The following SULF2 variants were observed in gnomAD, a reference collection of about 807,000 sequenced individuals.
SULF2 encodes the protein extracellular sulfatase Sulf-2.
Under a neutral mutation model 107.7 loss-of-function variants are expected in SULF2, and 52 were observed. The ratio of observed to expected loss-of-function variants is 0.48; its 90% CI spans 0.39 to 0.61. SULF2 has a LOEUF of 0.61. Ranked by LOEUF, SULF2 falls within the 20% of genes least tolerant of loss-of-function variation. The probability of loss-of-function intolerance (pLI) is 0.00; values close to 1 mark genes in which losing one functional copy is unlikely to be tolerated. For synonymous variants in SULF2, 460 were observed against 464.3 expected (o/e 0.99, Z 0.12); for missense variants, 993 against 1,177.3 (o/e 0.84, Z 2.29).
chr20:47,763,693 CCTT>C (rs1357235057), intron 1 of SULF2, among the ~76,000 whole-genome samples: 1 of 152,244 alleles, frequency 6.6e-6, no homozygotes, highest in African/African-American at 2.4e-5. Flanking sequence ...TCTCTCTCTT[CCTT>C]CTTTCACTTT....
chr20:47,782,926 T>A (rs1461183340), intron 1 of SULF2, among the ~76,000 whole-genome samples: 1 of 152,204 alleles, frequency 6.6e-6, no homozygotes, highest in African/African-American at 2.4e-5. Flanking sequence ...CTTCTACATC[T>A]GGGACAAAGG....
chr20:47,668,551 A>G (rs1034044362), intron 11 of SULF2, among the ~76,000 whole-genome samples: 7 of 152,232 alleles, frequency 4.6e-5, no homozygotes, highest in Non-Finnish European at 7.3e-5. Flanking sequence ...TGACTCTGCA[A>G]TCAGATGGCT....
intron 3 of SULF2, among the ~76,000 whole-genome samples, chr20:47,704,910 A>G (rs1234387641): frequency 6.6e-6 from 1 of 152,090 alleles, no homozygotes; most frequent in Non-Finnish European, 1.5e-5. Context: ...CCCCTAGAGG[A>G]GAGGACAACC....
intron 4 of SULF2, among the ~76,000 whole-genome samples, chr20:47,696,573 A>G (rs2088386324): frequency 1.3e-5 from 2 of 152,232 alleles, no homozygotes; most frequent in Non-Finnish European, 2.9e-5. Flanking sequence ...AACAAAACAA[A>G]TGAGCATTCC....
At chr20:47,688,460 G>A (rs1332015979) in intron 5 of SULF2, among the ~76,000 whole-genome samples, 1 of 152,170 alleles carries the variant, frequency 6.6e-6, no homozygotes, top group Admixed American at 6.5e-5. Flanking sequence ...ATGAAATTCC[G>A]GCACCGCTCG....
At chr20:47,742,748 A>G (rs752728439) in intron 2 of SULF2, among the ~76,000 whole-genome samples, 4 of 152,112 alleles carry the variant, frequency 2.6e-5, no homozygotes, top group Non-Finnish European at 5.9e-5. Context: ...TTTTGGATGC[A>G]CCATCCAGTA....
Position 47,672,353 on chromosome 20 carries a change from A to G in SULF2, c.1421T>C (p.Leu474Pro), listed in dbSNP as rs761166005. ...CCGCATGGGGCCCTTGCACTTATGC[A>G]GCTTCAGCTTCCCCGTGGCGTCCTC... is the stretch of plus-strand genomic sequence containing the variant. Reference protein sequence around the residue: ...CVEDATGKLKLHKCKGPMRLG... With the variant: ...CVEDATGKLKPHKCKGPMRLG... Residue 474 changes from leucine to proline, a missense_variant, in exon 11 of 21, where the codon CTG becomes CCG. By Grantham distance (98) the Leu-to-Pro change is moderately conservative (BLOSUM62 -3). Around this residue, in one of 3 missense-constraint regions of SULF2, gnomAD observed 497 missense variants for 544.1 expected, o/e 0.91. Transcript: ENST00000688720. 13 of 1,612,770 alleles carry G rather than the reference A, an allele frequency of 8.1e-6. No individual in the cohort carries two copies. In the South Asian group the frequency reaches 1.3e-4, roughly 16 times the overall value.
chr20:47,768,696 T>C (rs1441767127), intron 1 of SULF2, among the ~76,000 whole-genome samples: 1 of 152,174 alleles, frequency 6.6e-6, no homozygotes, highest in Non-Finnish European at 1.5e-5. Flanking sequence ...GGTGTGGGAA[T>C]CACAAATTCT....
rs1487585874 is a variant in SULF2 at position 47,672,464 on chromosome 20, C to G, written c.1381-71G>C. 4 of 1,491,142 alleles carry G rather than the reference C, an allele frequency of 2.7e-6. No individual in the cohort carries two copies. The East Asian group carries it at 9.9e-5, about 37-fold the overall frequency. The allele number at this position is 1,491,142 out of a possible 1,614,324, so 92.4% of individuals were successfully genotyped here. Reference sequence around the variant, plus strand: ...TAAACCCGCCTCTCCCCTGCCACCCCCATCCACCCTGGAGACATCCCTCTC... The same window carrying G: ...TAAACCCGCCTCTCCCCTGCCACCCGCATCCACCCTGGAGACATCCCTCTC... On this transcript the variant is annotated intron_variant, in intron 10 of 20. Transcript: ENST00000688720.
chr20:47,663,037 C>T, intron 17 of SULF2, 33 bp downstream of exon 17: 1 of 1,613,542 alleles, frequency 6.2e-7, no homozygotes. Context: ...GTGTACCCCA[C>T]ACCCCCATCC....
chr20:47,703,611 G>A (rs1216777004), intron 3 of SULF2, among the ~76,000 whole-genome samples: 7 of 152,206 alleles, frequency 4.6e-5, no homozygotes, highest in Non-Finnish European at 8.8e-5. Context: ...GGCTGTGTCT[G>A]CTAAATTTGA....
chr20:47,702,023 T>G (rs1044116397), intron 4 of SULF2, among the ~76,000 whole-genome samples: 4 of 152,222 alleles, frequency 2.6e-5, no homozygotes, highest in Non-Finnish European at 5.9e-5. Context: ...ACCAAACTCT[T>G]GGAAACAGAC....
At chr20:47,671,876 G>T (rs1352025098) in intron 11 of SULF2, among the ~76,000 whole-genome samples, 1 of 151,524 alleles carries the variant, frequency 6.6e-6, no homozygotes, top group African/African-American at 2.4e-5. Flanking sequence ...CACCACATCT[G>T]GCTAATTGTT....
intron 4 of SULF2, among the ~76,000 whole-genome samples, chr20:47,697,108 A>C (rs547271822): frequency 1.8e-4 from 27 of 152,198 alleles, no homozygotes; most frequent in Non-Finnish European, 3.8e-4. Context: ...CCCAACACCC[A>C]GGCCCACTTT....
intron 1 of SULF2, among the ~76,000 whole-genome samples, chr20:47,769,744 C>T (rs995495282): frequency 5.9e-5 from 9 of 152,262 alleles, no homozygotes; most frequent in East Asian, 1.9e-4. Flanking sequence ...TATGAGGCAA[C>T]GTGTCCCAAG....
intron 11 of SULF2, among the ~76,000 whole-genome samples, chr20:47,670,936 C>G (rs2087448895): frequency 6.6e-6 from 1 of 152,030 alleles, no homozygotes; most frequent in Non-Finnish European, 1.5e-5. Flanking sequence ...TGTCCTTAGG[C>G]CAGAGAAATG....
chr20:47,718,287 T>C (rs1338798160), intron 3 of SULF2, among the ~76,000 whole-genome samples: 1 of 152,182 alleles, frequency 6.6e-6, no homozygotes, highest in Non-Finnish European at 1.5e-5. Flanking sequence ...CTGGGAAAGA[T>C]TCAATGAGAA....
intron 1 of SULF2, among the ~76,000 whole-genome samples, chr20:47,764,351 AT>A (rs1288296003): frequency 6.6e-6 from 1 of 151,776 alleles, no homozygotes; most frequent in Admixed American, 6.6e-5. Flanking sequence ...CATAGCAGGC[AT>A]TCAAAATATT....
intron 1 of SULF2, among the ~76,000 whole-genome samples, chr20:47,772,427 A>G (rs2090648128): frequency 6.6e-6 from 1 of 150,900 alleles, no homozygotes; most frequent in Non-Finnish European, 1.5e-5. Flanking sequence ...CCATACTTAG[A>G]TGGCAACAGT....
Sources: allele counts gnomAD v4.1 joint callset (sites outside exome capture counted in the v4.1 genomes callset), GRCh38; gene constraint gnomAD v4.1.1; regional missense constraint gnomAD v4.1.1; transcripts MANE v1.5; gene names NCBI Gene and HGNC (gene_info 2026-07-23, HGNC 2026-07-21).